FTO: variants seen among roughly 807,000 people sequenced by gnomAD.
FTO encodes alpha-ketoglutarate-dependent dioxygenase FTO.
In FTO, 47 loss-of-function variants were observed where a neutral mutation model predicts 63.9. The ratio of observed to expected loss-of-function variants is 0.74; its 90% CI spans 0.58 to 0.94. The LOEUF is 0.94. FTO is among the 40% of genes least tolerant of loss of function. FTO has a pLI of 0.00. For missense variants in FTO, 562 were observed against 618.1 expected, an observed-to-expected ratio of 0.91 and a Z score of 0.96; for synonymous variants, 207 against 224.4, an observed-to-expected ratio of 0.92 and a Z score of 0.69.
intron 4 of FTO, among the ~76,000 whole-genome samples, chr16:53,868,203 T>G (rs1373139081): frequency 6.6e-6 from 1 of 152,184 alleles, no homozygotes. Flanking sequence ...ATTGATACAC[T>G]TGGATTAATA....
At chr16:53,869,885 A>T (rs1716806035) in intron 4 of FTO, among the ~76,000 whole-genome samples, 1 of 152,012 alleles carries the variant, frequency 6.6e-6, no homozygotes, top group South Asian at 2.1e-4. Context: ...CAGTTTTTTC[A>T]AATTGTGTTT....
intron 4 of FTO, 55 bp downstream of exon 4, chr16:53,844,353 A>G (rs2079560684): frequency 4.5e-6 from 6 of 1,345,406 alleles, no homozygotes; most frequent in Non-Finnish European, 6.4e-6. Context: ...AATTTAGATT[A>G]TAGGATTTAT....
intron 1 of FTO, among the ~76,000 whole-genome samples, chr16:53,762,721 TG>T (rs2077099224): frequency 6.6e-6 from 1 of 152,168 alleles, no homozygotes; most frequent in African/African-American, 2.4e-5. Flanking sequence ...AAAGAAATGA[TG>T]AATATTGATT....
At chr16:53,950,807 A>G (rs1409917994) in intron 8 of FTO, among the ~76,000 whole-genome samples, 1 of 152,204 alleles carries the variant, frequency 6.6e-6, no homozygotes, top group Non-Finnish European at 1.5e-5. Flanking sequence ...GTGTCCTGAC[A>G]TAGTTAATTA....
intron 1 of FTO, among the ~76,000 whole-genome samples, chr16:53,714,776 T>A (rs956936992): frequency 1.3e-5 from 2 of 152,172 alleles, no homozygotes; most frequent in African/African-American, 4.8e-5. Flanking sequence ...ACGATCCTTG[T>A]GTTGGAACCA....
intron 7 of FTO, among the ~76,000 whole-genome samples, chr16:53,919,980 T>C (rs1465208154): frequency 6.6e-6 from 1 of 152,150 alleles, no homozygotes; most frequent in East Asian, 1.9e-4. Context: ...CAAAACCTAC[T>C]GAAATAATAA....
At chr16:53,906,559 C>T (rs1408169317) in intron 7 of FTO, among the ~76,000 whole-genome samples, 3 of 152,106 alleles carry the variant, frequency 2.0e-5, no homozygotes, top group Admixed American at 6.5e-5. Context: ...TAGAAACAGA[C>T]TATGAAAGCT....
At chr16:54,015,027 A>T (rs36059847) in intron 8 of FTO, among the ~76,000 whole-genome samples, 30,953 of 149,724 alleles carry the variant, frequency 0.21, 3,566 homozygotes, top group East Asian at 0.37. Context: ...GGCTAATTAA[A>T]TTTTTTTTTT....
chr16:53,802,885 A>C (rs1447677733), intron 1 of FTO, among the ~76,000 whole-genome samples: 1 of 152,096 alleles, frequency 6.6e-6, no homozygotes, highest in Non-Finnish European at 1.5e-5. Flanking sequence ...TTTACTCTAG[A>C]AGCTTGATTT....
chr16:53,882,727 A>G (rs1452768699), intron 6 of FTO, among the ~76,000 whole-genome samples: 2 of 152,230 alleles, frequency 1.3e-5, no homozygotes, highest in Non-Finnish European at 2.9e-5. Context: ...TCTGCAGGAA[A>G]TGGGGACCCA....
rs569524204 is a variant in FTO at position 53,949,832 on chromosome 16, T to C, written c.1364+15723T>C. ...TGGATAAATAATGTCTTTTCCAAAA[T>C]GTGTGTATTTGAAAAAGGAAGAGGA... On this transcript the variant is annotated intron_variant, in intron 8 of 8. Coordinates refer to ENST00000471389, the MANE Select transcript of FTO (RefSeq NM_001080432.3). Among the ~76,000 whole-genome samples the C allele has an allele frequency of 3.3e-5, 5 of 152,178 alleles. No homozygotes were observed. The East Asian group carries it at 9.7e-4, about 29-fold the overall frequency.
intron 1 of FTO, among the ~76,000 whole-genome samples, chr16:53,782,704 C>G (rs1598642908): frequency 6.6e-6 from 1 of 152,360 alleles, no homozygotes; most frequent in African/African-American, 2.4e-5. Flanking sequence ...TATTCTTCAG[C>G]TCCTCAGAAG....
chr16:53,955,104 A>C (rs1386290832), intron 8 of FTO, among the ~76,000 whole-genome samples: 1 of 152,160 alleles, frequency 6.6e-6, no homozygotes, highest in Non-Finnish European at 1.5e-5. Context: ...TTCTTTAAGC[A>C]TTAGTGCCAT....
At chr16:54,101,116 TTC>T (rs778349694) in intron 8 of FTO, among the ~76,000 whole-genome samples, 44 of 146,654 alleles carry the variant, frequency 3.0e-4, no homozygotes, top group Non-Finnish European at 5.3e-4. Context: ...CTGGGTTTTT[TTC>T]TTTCTTTTTT....
chr16:53,798,702 A>G (rs573254139), intron 1 of FTO, among the ~76,000 whole-genome samples: 43 of 152,194 alleles, frequency 2.8e-4, no homozygotes, highest in Non-Finnish European at 6.0e-4. Flanking sequence ...TTAAATAATG[A>G]CATTTTTACC....
chr16:53,939,961 T>A lies in FTO; in HGVS notation c.1364+5852T>A, dbSNP rs1409861852. On this transcript the variant is annotated intron_variant, in intron 8 of 8. Coordinates refer to ENST00000471389, the MANE Select transcript of FTO (RefSeq NM_001080432.3). ...TGAATAATGCTGCTGTAAACATTCA[T>A]GTACAAGTTTTTGAGTGACATATTT... Among the ~76,000 whole-genome samples the A allele has an allele frequency of 2.6e-5, 4 of 152,200 alleles. No individual in the cohort carries two copies. The East Asian group carries it at 7.7e-4, about 29-fold the overall frequency.
chr16:53,770,906 C>T (rs1483839664), intron 1 of FTO, among the ~76,000 whole-genome samples: 3 of 152,040 alleles, frequency 2.0e-5, no homozygotes, highest in African/African-American at 4.8e-5. Flanking sequence ...TGGGTGTTTG[C>T]GAGACGTTGT....
At chr16:54,094,460 C>T (rs551320878) in intron 8 of FTO, among the ~76,000 whole-genome samples, 4 of 152,308 alleles carry the variant, frequency 2.6e-5, no homozygotes, top group African/African-American at 9.6e-5. Flanking sequence ...CAGAAGCAAA[C>T]CTTGCACTGA....
At chr16:53,896,551 C>T (rs1217793493) in intron 7 of FTO, among the ~76,000 whole-genome samples, 1 of 152,046 alleles carries the variant, frequency 6.6e-6, no homozygotes, top group Non-Finnish European at 1.5e-5. Flanking sequence ...GAATCTTTTT[C>T]CCCCAAGTTG....
Sources: allele counts gnomAD v4.1 joint callset (sites outside exome capture counted in the v4.1 genomes callset), GRCh38; gene constraint gnomAD v4.1.1; transcripts MANE v1.5; gene names NCBI Gene and HGNC (gene_info 2026-07-23, HGNC 2026-07-21).